Variants in CDH4 observed in about 807,000 individuals in gnomAD.
The protein encoded by CDH4 is cadherin-4.
Under a neutral mutation model 86.0 loss-of-function variants are expected in CDH4, and 33 were observed. The observed-to-expected ratio is 0.38, with a 90% CI of 0.29 to 0.51. CDH4 has a LOEUF of 0.51. Among genes scored for constraint, CDH4 ranks in the 20% least tolerant of loss-of-function variants. The pLI is 0.86. For missense variants in CDH4, 1,114 were observed against 1,307.4 expected (o/e 0.85, Z 2.28); for synonymous variants, 555 against 549.4 (o/e 1.01, Z -0.14).
chr20:61,653,969 C>T (rs2087158480), intron 2 of CDH4, among the ~76,000 whole-genome samples: 1 of 151,612 alleles, frequency 6.6e-6, no homozygotes, highest in Non-Finnish European at 1.5e-5. Context: ...GGGCTCCTCA[C>T]ATCCCAGACG....
chr20:61,477,612 GC>G (rs1223259004), intron 2 of CDH4, among the ~76,000 whole-genome samples: 2 of 152,174 alleles, frequency 1.3e-5, no homozygotes, highest in Non-Finnish European at 2.9e-5. Context: ...CTCCCAGCTG[GC>G]GCCTCTGCAT....
intron 2 of CDH4, among the ~76,000 whole-genome samples, chr20:61,306,884 T>A (rs570290898): frequency 1.3e-5 from 2 of 152,308 alleles, no homozygotes; most frequent in East Asian, 3.9e-4. Flanking sequence ...TACGCCTGGC[T>A]TCTTTCCTGA....
intron 2 of CDH4, among the ~76,000 whole-genome samples, chr20:61,441,197 A>C (rs2085313510): frequency 6.6e-6 from 1 of 152,210 alleles, no homozygotes; most frequent in African/African-American, 2.4e-5. Context: ...GCTGTCATCC[A>C]TCCATGGCAG....
chr20:61,672,295 A>G (rs75378841), intron 2 of CDH4, among the ~76,000 whole-genome samples: 1 of 151,806 alleles, frequency 6.6e-6, no homozygotes, highest in Non-Finnish European at 1.5e-5. Flanking sequence ...GAGTGGATGG[A>G]TGGGTGTGTG....
At chr20:61,919,207 T>C (rs2054940137) in intron 9 of CDH4, among the ~76,000 whole-genome samples, 1 of 152,234 alleles carries the variant, frequency 6.6e-6, no homozygotes, top group Admixed American at 6.5e-5. Flanking sequence ...CTTTTTGTAC[T>C]GAAATATCTT....
chr20:61,369,184 G>T (rs2084826328), intron 2 of CDH4, among the ~76,000 whole-genome samples: 1 of 152,136 alleles, frequency 6.6e-6, no homozygotes, highest in African/African-American at 2.4e-5. Flanking sequence ...TGGGCGCAGT[G>T]GTGCACGCCT....
At chr20:61,382,467 G>A (rs1296501541) in intron 2 of CDH4, among the ~76,000 whole-genome samples, 1 of 152,198 alleles carries the variant, frequency 6.6e-6, no homozygotes, top group African/African-American at 2.4e-5. Flanking sequence ...AGGTGTTCCT[G>A]GTGTCTCTGC....
intron 2 of CDH4, among the ~76,000 whole-genome samples, chr20:61,324,409 G>A (rs2084526048): frequency 6.6e-6 from 1 of 152,182 alleles, no homozygotes; most frequent in South Asian, 2.1e-4. Flanking sequence ...AAGTGTCAGA[G>A]AGCCATGCTC....
At chr20:61,599,761 G>A (rs1458625660) in intron 2 of CDH4, 1 of 984,686 alleles carries the variant, frequency 1.0e-6, no homozygotes, top group Non-Finnish European at 1.2e-6. Flanking sequence ...CCTCTCCCAC[G>A]CACTGGCGCT....
chr20:61,617,873 C>T lies in CDH4; in HGVS notation c.170-125690C>T, dbSNP rs113395797. On this transcript the variant is annotated intron_variant, in intron 2 of 15. Coordinates refer to ENST00000614565, the MANE Select transcript of CDH4 (RefSeq NM_001794.5). ...AATTCCCACATGTTGAGGAGGGACC[C>T]GGTGGGAGGTAATTGAATCATGGAG... 6.1e-3 allele frequency among the ~76,000 whole-genome samples: 928 copies of T among 152,172 alleles called. 4 individuals carry two copies. Among genetic ancestry groups the T allele is most frequent in the Middle Eastern group, 0.024 (7 of 294 alleles).
At chr20:61,317,352 C>T (rs1044676915) in intron 2 of CDH4, among the ~76,000 whole-genome samples, 1 of 152,200 alleles carries the variant, frequency 6.6e-6, no homozygotes, top group Non-Finnish European at 1.5e-5. Context: ...CCTGCTATTT[C>T]TAACATGGGA....
intron 2 of CDH4, among the ~76,000 whole-genome samples, chr20:61,302,954 A>G (rs1037052696): frequency 2.0e-5 from 3 of 152,198 alleles, no homozygotes; most frequent in Admixed American, 2.0e-4. Flanking sequence ...CCATGAGCCC[A>G]TAACACAGGT....
rs771531930 is a variant in CDH4 at position 61,719,111 on chromosome 20, C to A, written c.170-24452C>A. On this transcript the variant is annotated intron_variant, in intron 2 of 15. Transcript: ENST00000614565. ...AATGATCAAAATCGTATCCCAGCCT[C>A]TTCATGTCACCTGCAGCCAAATGGC... is the stretch of plus-strand genomic sequence containing the variant. The A allele has an allele frequency of 3.2e-5, 15 of 471,028 alleles. No homozygotes were observed. In the Middle Eastern group the frequency reaches 9.7e-4, roughly 30 times the overall value. 29.2% of individuals were successfully genotyped at this position (471,028 alleles called of 1,614,324 possible). A position where few individuals can be genotyped will look rare whatever the true frequency, so the allele number is the denominator to read the frequency against.
At position 61,858,171 on chromosome 20, in the gene CDH4, GTCTGTGTGTGTC is replaced by G. The variant is rs1475021088; in HGVS notation, c.877+5293_877+5304del. On this transcript the variant is annotated intron_variant, in intron 6 of 15. Transcript: ENST00000614565. ...TGTCTGTGTCTGTGTGTCTCTGTGT[GTCTGTGTGTGTC>G]TCTGTGTGTGTCTCTGTGTCTATAT... Among the ~76,000 whole-genome samples the G allele has an allele frequency of 1.0e-3, 126 of 120,122 alleles. 1 individual carries two copies. Among genetic ancestry groups the G allele is most frequent in the African/African-American group, 3.2e-3 (102 of 31,810 alleles). 78.8% of individuals were successfully genotyped at this position (120,122 alleles called of 152,430 possible).
At chr20:61,320,657 A>G (rs776996321) in intron 2 of CDH4, among the ~76,000 whole-genome samples, 14 of 151,966 alleles carry the variant, frequency 9.2e-5, no homozygotes, top group Non-Finnish European at 1.9e-4. Flanking sequence ...TGCCCTACCC[A>G]GGGCTGCCTC....
intron 2 of CDH4, among the ~76,000 whole-genome samples, chr20:61,271,831 C>T (rs976164249): frequency 6.6e-6 from 1 of 152,194 alleles, no homozygotes; most frequent in Non-Finnish European, 1.5e-5. Flanking sequence ...TGTCGCTGAG[C>T]TCTCCCCTCA....
intron 2 of CDH4, among the ~76,000 whole-genome samples, chr20:61,565,369 GTGGTGGTCCTCTTGGTGA>G (rs2086286813): frequency 2.3e-5 from 1 of 43,838 alleles, no homozygotes; most frequent in Non-Finnish European, 3.7e-5. Context: ...GGTGATGGTG[GTGGTGGTCCTCTTGGTGA>G]TGGGGTGATG....
chr20:61,383,226 A>G (rs2084916965), intron 2 of CDH4, among the ~76,000 whole-genome samples: 1 of 119,492 alleles, frequency 8.4e-6, no homozygotes, highest in South Asian at 2.3e-4. Context: ...TGAATATATT[A>G]TATATATGAA....
At chr20:61,736,104 T>C (rs559205432) in intron 2 of CDH4, among the ~76,000 whole-genome samples, 2 of 151,914 alleles carry the variant, frequency 1.3e-5, no homozygotes, top group South Asian at 4.2e-4. Context: ...CTCTGAGCCT[T>C]CTTGCAGTCA....
Sources: gnomAD v4.1 joint callset for allele counts (sites outside exome capture counted in the v4.1 genomes callset) on GRCh38, gnomAD v4.1.1 for gene constraint, MANE v1.5 for transcripts, NCBI Gene and HGNC (gene_info 2026-07-23, HGNC 2026-07-21) for gene names.